Variants in GFRA1 observed in about 807,000 individuals in gnomAD.
GFRA1 encodes the protein GDNF family receptor alpha-1.
Under a neutral mutation model 51.6 loss-of-function variants are expected in GFRA1, and 16 were observed. That is an observed-to-expected ratio of 0.31 (90% confidence interval 0.21 to 0.47). GFRA1 has a LOEUF of 0.47. Ranked by LOEUF, GFRA1 falls within the 20% of genes least tolerant of loss-of-function variation. The pLI is 1.00. For missense variants in GFRA1, 530 were observed against 594.3 expected, an observed-to-expected ratio of 0.89 and a Z score of 1.13; for synonymous variants, 270 against 241.3, an observed-to-expected ratio of 1.12 and a Z score of -1.10.
At chr10:116,196,647 AATATATATATAGTACTATATATAAT>A (rs1963846176) in intron 5 of GFRA1, among the ~76,000 whole-genome samples, 1 of 6,140 alleles carries the variant, frequency 1.6e-4, no homozygotes, top group Non-Finnish European at 3.7e-4. Context: ...TACTATATAT[AATATATATATAGTACTATATATAAT>A]ATATATAATA....
Position 116,064,060 on chromosome 10 carries a change from TC to T in GFRA1, c.*337del. ...AAAATCATCATCATGATCATGATGATCATCATCATGATCATGATGATCATCA... is the reference window on the plus strand; with the variant it reads ...AAAATCATCATCATGATCATGATGATATCATCATGATCATGATGATCATCA... On this transcript the variant is annotated 3_prime_UTR_variant, in exon 11 of 11. Transcript: ENST00000355422. The T allele has an allele frequency of 7.6e-6, 1 of 132,228 alleles. No individual in the cohort carries two copies. Among genetic ancestry groups the T allele is most frequent in the Non-Finnish European group, 1.3e-5 (1 of 75,638 alleles). The allele number at this position is 132,228 out of a possible 1,614,324, so 8.2% of individuals were successfully genotyped here.
chr10:116,089,568 C>T (rs1956241057), intron 9 of GFRA1, among the ~76,000 whole-genome samples, 173 bp downstream of exon 9: 1 of 152,174 alleles, frequency 6.6e-6, no homozygotes, highest in South Asian at 2.1e-4. Context: ...TTTCTCTGCA[C>T]TATACGACAG....
chr10:116,220,110 A>T (rs1054092819), intron 4 of GFRA1, among the ~76,000 whole-genome samples: 2 of 152,216 alleles, frequency 1.3e-5, no homozygotes, highest in Admixed American at 1.3e-4. Flanking sequence ...TCACAAAAAA[A>T]TTTCATTCTT....
At chr10:116,085,515 AC>A (rs5788131) in intron 9 of GFRA1, among the ~76,000 whole-genome samples, 17,475 of 151,908 alleles carry the variant, frequency 0.12, 1,409 homozygotes, top group Non-Finnish European at 0.17. Context: ...TATTTCTAGG[AC>A]CCCCATCCTC....
intron 4 of GFRA1, among the ~76,000 whole-genome samples, chr10:116,266,651 G>A (rs913955981): frequency 6.6e-6 from 1 of 152,174 alleles, no homozygotes; most frequent in African/African-American, 2.4e-5. Context: ...ACAGGACAGG[G>A]CTCACAAACT....
At chr10:116,233,347 T>A (rs939323107) in intron 4 of GFRA1, among the ~76,000 whole-genome samples, 5 of 152,084 alleles carry the variant, frequency 3.3e-5, no homozygotes, top group Non-Finnish European at 7.4e-5. Context: ...AAAAATTTTT[T>A]AATTGAGTTA....
At chr10:116,211,499 T>C in intron 5 of GFRA1, 132 bp downstream of exon 5, 1 of 800,886 alleles carries the variant, frequency 1.2e-6, no homozygotes, top group Non-Finnish European at 2.1e-6. Flanking sequence ...ACTGTCCTCA[T>C]GGTGTCCCTG....
intron 5 of GFRA1, among the ~76,000 whole-genome samples, chr10:116,128,452 G>A (rs1255188721): frequency 1.3e-5 from 2 of 152,096 alleles, no homozygotes; most frequent in African/African-American, 4.8e-5. Flanking sequence ...TGTGCCAGGT[G>A]CGGCGGCTCA....
chr10:116,173,981 G>A (rs558675605), intron 5 of GFRA1, among the ~76,000 whole-genome samples: 6 of 152,266 alleles, frequency 3.9e-5, no homozygotes, highest in South Asian at 2.1e-4. Context: ...TTGGGAGGCT[G>A]AGGCAGGAGA....
At chr10:116,161,822 T>C (rs1005325112) in intron 5 of GFRA1, among the ~76,000 whole-genome samples, 2 of 152,224 alleles carry the variant, frequency 1.3e-5, no homozygotes, top group East Asian at 1.9e-4. Flanking sequence ...TATGTTTTAT[T>C]AGCGTGTGAA....
intron 5 of GFRA1, among the ~76,000 whole-genome samples, chr10:116,142,561 T>C (rs1958616760): frequency 6.6e-6 from 1 of 152,214 alleles, no homozygotes; most frequent in Non-Finnish European, 1.5e-5. Context: ...GTCCCCACAC[T>C]GTAAGGTTCA....
At chr10:116,174,089 A>G (rs1489921173) in intron 5 of GFRA1, among the ~76,000 whole-genome samples, 1 of 152,098 alleles carries the variant, frequency 6.6e-6, no homozygotes, top group Non-Finnish European at 1.5e-5. Context: ...TCAAAAAAAA[A>G]GTCAGTCAGT....
chr10:116,137,942 C>T (rs992120290), intron 5 of GFRA1, among the ~76,000 whole-genome samples: 1 of 152,112 alleles, frequency 6.6e-6, no homozygotes, highest in Non-Finnish European at 1.5e-5. Context: ...GCTGGGATTA[C>T]GGATGCCCAA....
At chr10:116,228,285 G>T (rs1337410444) in intron 4 of GFRA1, among the ~76,000 whole-genome samples, 3 of 152,200 alleles carry the variant, frequency 2.0e-5, no homozygotes, top group African/African-American at 7.2e-5. Context: ...CAAAAGTCTG[G>T]AGGCTTCTGA....
At chr10:116,129,256 C>T (rs1039991007) in intron 5 of GFRA1, among the ~76,000 whole-genome samples, 5 of 152,082 alleles carry the variant, frequency 3.3e-5, no homozygotes, top group Admixed American at 2.6e-4. Context: ...ATATTGCTTA[C>T]GAATACAGAT....
intron 5 of GFRA1, among the ~76,000 whole-genome samples, chr10:116,194,258 T>G (rs747930314): frequency 6.6e-6 from 1 of 152,146 alleles, no homozygotes; most frequent in Admixed American, 6.5e-5. Context: ...CAAAGTGGAC[T>G]GATAAATGAG....
chr10:116,084,370 G>T (rs375084849), intron 9 of GFRA1, among the ~76,000 whole-genome samples: 30 of 152,318 alleles, frequency 2.0e-4, no homozygotes, highest in Middle Eastern at 3.4e-3. Context: ...GGTCCTCCAT[G>T]TCTCACCCAC....
chr10:116,222,104 C>T (rs184283083), intron 4 of GFRA1, among the ~76,000 whole-genome samples: 2 of 152,134 alleles, frequency 1.3e-5, no homozygotes, highest in East Asian at 1.9e-4. Context: ...GTATGAGAGG[C>T]GGTAGAAGGG....
intron 9 of GFRA1, among the ~76,000 whole-genome samples, chr10:116,085,535 C>T (rs1176565241): frequency 6.6e-6 from 1 of 152,110 alleles, no homozygotes; most frequent in African/African-American, 2.4e-5. Context: ...TCCTCCCCGG[C>T]AAATGATAAT....
Sources: allele counts gnomAD v4.1 joint callset (sites outside exome capture counted in the v4.1 genomes callset), GRCh38; gene constraint gnomAD v4.1.1; transcripts MANE v1.5; gene names NCBI Gene and HGNC (gene_info 2026-07-23, HGNC 2026-07-21).